Variants in DNAH8 observed in about 807,000 individuals in gnomAD.
DNAH8 encodes the protein dynein axonemal heavy chain 8.
A neutral mutation model predicts 562.1 loss-of-function variants in DNAH8; 382 were observed. The ratio of observed to expected loss-of-function variants is 0.68; its 90% CI spans 0.63 to 0.74. DNAH8 has a LOEUF of 0.74. DNAH8 is among the 30% of genes least tolerant of loss of function. DNAH8 has a pLI of 0.00. For synonymous variants in DNAH8, 1,881 were observed against 1,919.4 expected (o/e 0.98, Z 0.52); for missense variants, 5,203 against 5,620.4 (o/e 0.93, Z 2.37).
At chr6:38,971,087 G>A (rs1561928041) in intron 82 of DNAH8, among the ~76,000 whole-genome samples, 1 of 152,100 alleles carries the variant, frequency 6.6e-6, no homozygotes, top group Non-Finnish European at 1.5e-5. Flanking sequence ...TCAGAAAAAT[G>A]ATCAAACATA....
rs58784448 is a variant in DNAH8, at chr6:38,772,971, C to CTTTTTTTTTTTTTTT, written c.1764+2425_1764+2439dup. Among the ~76,000 whole-genome samples the CTTTTTTTTTTTTTTT allele has an allele frequency of 4.4e-3, 390 of 88,038 alleles. 38 individuals carry two copies. Among genetic ancestry groups the CTTTTTTTTTTTTTTT allele is most frequent in the African/African-American group, 6.3e-3 (123 of 19,426 alleles). 57.8% of individuals were successfully genotyped at this position (88,038 alleles called of 152,430 possible). ...ATACCACCATGCCTAGCTAATTAAA[C>CTTTTTTTTTTTTTTT]TTTTTTTTTTTTTTTTTTTTTTTTT... On this transcript the variant is annotated intron_variant, in intron 12 of 92. Transcript: ENST00000327475.
At chr6:39,029,460 C>T (rs1403966621) in intron 92 of DNAH8, among the ~76,000 whole-genome samples, 2 of 152,206 alleles carry the variant, frequency 1.3e-5, no homozygotes, top group Non-Finnish European at 2.9e-5. Context: ...CAATTCTTAT[C>T]TTTAAAAAAT....
chr6:38,892,165 T>G (rs1440966935), intron 58 of DNAH8, among the ~76,000 whole-genome samples: 1 of 152,110 alleles, frequency 6.6e-6, no homozygotes, highest in Non-Finnish European at 1.5e-5. Context: ...ATGCACCTGG[T>G]CTCGATGCCA....
At chr6:38,829,501 A>T (rs1340997400) in intron 30 of DNAH8, among the ~76,000 whole-genome samples, 2 of 152,170 alleles carry the variant, frequency 1.3e-5, no homozygotes, top group South Asian at 2.1e-4. Context: ...ATTTTGAGTT[A>T]ATTTGTGCAT....
chr6:38,949,645 T>A, intron 81 of DNAH8, 75 bp downstream of exon 81: 2 of 898,236 alleles, frequency 2.2e-6, no homozygotes, highest in Non-Finnish European at 1.8e-6. Context: ...CTCAGTGAGT[T>A]TACTTCACTA....
At chr6:38,841,377 C>A (rs541110081) in intron 33 of DNAH8, among the ~76,000 whole-genome samples, 20 of 152,222 alleles carry the variant, frequency 1.3e-4, no homozygotes, top group African/African-American at 4.6e-4. Context: ...CGAGATCGTG[C>A]CACTGCACTC....
At chr6:38,756,455 T>C (rs1005872215) in intron 10 of DNAH8, among the ~76,000 whole-genome samples, 1 of 152,156 alleles carries the variant, frequency 6.6e-6, no homozygotes, top group African/African-American at 2.4e-5. Flanking sequence ...GCCGCATGGT[T>C]AATTATTTAA....
chr6:38,745,122 C>T (rs536254044), intron 8 of DNAH8, among the ~76,000 whole-genome samples: 10 of 152,244 alleles, frequency 6.6e-5, no homozygotes, highest in South Asian at 2.1e-4. Flanking sequence ...AATTACTTAC[C>T]GCTTACTGTA....
At chr6:38,751,649 T>C (rs1765463885) in intron 9 of DNAH8, among the ~76,000 whole-genome samples, 1 of 152,238 alleles carries the variant, frequency 6.6e-6, no homozygotes, top group Non-Finnish European at 1.5e-5. Flanking sequence ...TTAAAGAACA[T>C]GTTAGCACTA....
chr6:38,811,769 C>T lies in DNAH8; in HGVS notation c.3258-2285C>T, dbSNP rs546610704. 1.2e-3 allele frequency among the ~76,000 whole-genome samples: 190 copies of T among 152,206 alleles called. 2 individuals carry two copies. The highest frequency in any genetic ancestry group is 0.011 in the Admixed American group (171 of 15,270). On this transcript the variant is annotated intron_variant, in intron 24 of 92. Transcript: ENST00000327475. Reference sequence around the variant, plus strand: ...TTTTAATGTGCAGGCTCTCTTTGAGCGAGAGCTTTGTTTTTGTGTTTCTTT... The same window carrying T: ...TTTTAATGTGCAGGCTCTCTTTGAGTGAGAGCTTTGTTTTTGTGTTTCTTT...
intron 7 of DNAH8, 145 bp from the exon 8 acceptor site, chr6:38,741,566 T>G: frequency 3.2e-6 from 2 of 616,918 alleles, no homozygotes; most frequent in Non-Finnish European, 5.5e-6. Flanking sequence ...GACATTCTCC[T>G]CTAGTCTTCA....
chr6:39,019,039 A>G (rs565414220), intron 91 of DNAH8, among the ~76,000 whole-genome samples: 3 of 152,300 alleles, frequency 2.0e-5, no homozygotes, highest in African/African-American at 7.2e-5. Flanking sequence ...GTATAAGAAT[A>G]AAAAGTTTTC....
chr6:38,817,545 G>A (rs1399212954), intron 26 of DNAH8, among the ~76,000 whole-genome samples: 1 of 152,138 alleles, frequency 6.6e-6, no homozygotes. Flanking sequence ...TTGATGTGTT[G>A]GTGTCAGCTG....
chr6:38,853,671 G>A (rs917777978), intron 41 of DNAH8, among the ~76,000 whole-genome samples: 2 of 151,162 alleles, frequency 1.3e-5, no homozygotes, highest in African/African-American at 4.9e-5. Flanking sequence ...ACTTATGATG[G>A]GATTATCTCC....
intron 57 of DNAH8, among the ~76,000 whole-genome samples, 172 bp downstream of exon 57, chr6:38,887,176 C>T (rs1778991442): frequency 6.6e-6 from 1 of 152,098 alleles, no homozygotes. Context: ...TGCTTATAGC[C>T]TATTCTCAGA....
chr6:38,814,871 T>C (rs1678693), intron 25 of DNAH8, among the ~76,000 whole-genome samples: 63,789 of 151,818 alleles, frequency 0.42, 14,333 homozygotes, highest in East Asian at 0.8. Flanking sequence ...GCACTTATCT[T>C]TACAACTACC....
chr6:38,815,236 C>T (rs904798026), intron 25 of DNAH8, among the ~76,000 whole-genome samples: 3 of 152,182 alleles, frequency 2.0e-5, no homozygotes, highest in East Asian at 1.9e-4. Flanking sequence ...TAAAAAGTTA[C>T]GTCCGCATTA....
chr6:38,913,911 A>T lies in DNAH8; in HGVS notation c.9922A>T (p.Lys3308Ter). Reference sequence around the variant, plus strand: ...TAAACTCTCTCAGGATCTTGCAGTCAAGGAGAAGGAGTTGGCAGTGGCTTC... The same window carrying T: ...TAAACTCTCTCAGGATCTTGCAGTCTAGGAGAAGGAGTTGGCAGTGGCTTC... ...VAKLSQDLAV[K>*]EKELAVASIK... is the part of the protein sequence containing the mutation. The change falls in exon 67 of 93, where the codon AAG becomes TAG. Residue 3308 changes from lysine (K) to a stop codon, truncating the protein, a stop_gained. Coordinates refer to ENST00000327475, the MANE Select transcript of DNAH8 (RefSeq NM_001206927.2). LOFTEE classifies it high-confidence loss of function. The T allele has an allele frequency of 1.2e-6, 2 of 1,613,386 alleles. No individual in the cohort carries two copies. The highest frequency in any genetic ancestry group is 1.3e-5 in the African/African-American group (1 of 75,012).
intron 1 of DNAH8, among the ~76,000 whole-genome samples, 158 bp downstream of exon 1, chr6:38,715,573 G>A (rs1310940138): frequency 3.9e-5 from 6 of 152,196 alleles, no homozygotes; most frequent in Non-Finnish European, 8.8e-5. Context: ...GGGAACCCCT[G>A]CTTCAAAACC....
Sources: allele counts gnomAD v4.1 joint callset (sites outside exome capture counted in the v4.1 genomes callset), GRCh38; gene constraint gnomAD v4.1.1; transcripts MANE v1.5; gene names NCBI Gene and HGNC (gene_info 2026-07-23, HGNC 2026-07-21).